CRYBA2: variants seen among roughly 807,000 people sequenced by gnomAD.
CRYBA2 encodes the protein crystallin beta A2.
A neutral mutation model predicts 18.5 loss-of-function variants in CRYBA2; 17 were observed. That is an observed-to-expected ratio of 0.92 (90% confidence interval 0.63 to 1.38). CRYBA2 has a LOEUF of 1.38. Ranked by LOEUF, CRYBA2 falls within the 40% of genes most tolerant of loss-of-function variation. The pLI is 0.00. For missense variants in CRYBA2, 271 were observed against 265.0 expected, an observed-to-expected ratio of 1.02 and a Z score of -0.16; for synonymous variants, 101 against 106.2, an observed-to-expected ratio of 0.95 and a Z score of 0.30.
In CRYBA2 at chr2:218,993,041, G is replaced by C; in HGVS notation, c.136C>G (p.Arg46Gly). Residue 46 changes from arginine (R) to glycine (G), a missense_variant, in exon 1 of 4, where the codon CGC becomes GGC. By Grantham distance (125) the Arg-to-Gly change is moderately radical. Transcript: ENST00000295728. This position sits in a 1 kb window ranked among gnomAD's most constrained non-coding sequence, Gnocchi z 7.7. ...ACGCCGTTTTCCACCTTGACCGAGC[G>C]CACCCTGGGCAGGCCTCCGCGCTCG... ...VCERGGLPRV[R>G]SVKVENGVWV... 1 of 1,606,908 alleles carries C rather than the reference G, an allele frequency of 6.2e-7. No homozygotes were observed. The highest frequency in any genetic ancestry group is 8.5e-7 in the Non-Finnish European group (1 of 1,175,768).
chr2:218,992,013 A>T, intron 2 of CRYBA2, 89 bp downstream of exon 2: 1 of 1,187,768 alleles, frequency 8.4e-7, no homozygotes, highest in Non-Finnish European at 1.2e-6. Flanking sequence ...CACACACCCC[A>T]TGCAGGGCTT....
chr2:218,990,346 C>T lies in CRYBA2; in HGVS notation c.500G>A (p.Arg167Gln), dbSNP rs759684232. ...GYRGYQYVLE[R>Q]DRHSGEFCTY... The stretch of plus-strand genomic sequence containing the variant: ...ACAGAACTCTCCGCTGTGCCGGTCC[C>T]GCTCCAACACATACTGGTAGCCTCG... The change falls in exon 4 of 4, where the codon CGG becomes CAG. Residue 167 changes from arginine (R) to glutamine (Q), a missense_variant. Coordinates refer to ENST00000295728, the MANE Select transcript of CRYBA2 (RefSeq NM_057093.2). 5.0e-6 allele frequency: 8 copies of T among 1,614,122 alleles called. No individual in the cohort carries two copies. The highest frequency in any genetic ancestry group is 1.7e-5 in the Admixed American group (1 of 60,024).
chr2:218,993,375 CG>C lies in CRYBA2; in HGVS notation c.-200del. The C allele has an allele frequency of 1.8e-6, 1 of 564,166 alleles. No individual in the cohort carries two copies. Among genetic ancestry groups the C allele is most frequent in the Non-Finnish European group, 3.1e-6 (1 of 327,500 alleles). 34.9% of individuals were successfully genotyped at this position (564,166 alleles called of 1,614,324 possible). ...CCCCACCCCAGCAGAGGGCATTCAC[CG>C]GGTGGGTGAGCGCGGCACGCGAGGG... On this transcript the variant is annotated 5_prime_UTR_variant, in exon 1 of 4. Coordinates refer to ENST00000295728, the MANE Select transcript of CRYBA2 (RefSeq NM_057093.2). This position sits in a 1 kb window ranked among gnomAD's most constrained non-coding sequence, Gnocchi z 7.7.
intron 1 of CRYBA2, among the ~76,000 whole-genome samples, chr2:218,992,782 C>T (rs1945513235): frequency 6.6e-6 from 1 of 152,200 alleles, no homozygotes; most frequent in Non-Finnish European, 1.5e-5. Flanking sequence ...GGTGGGGTCC[C>T]ATAGGGACCC....
rs762497798 is a variant in CRYBA2 at position 218,993,150 on chromosome 2, CG to C, written c.26del (p.Pro9ArgfsTer22). 15 of 1,600,352 alleles carry C rather than the reference CG, an allele frequency of 9.4e-6. No individual in the cohort carries two copies. Among genetic ancestry groups the C allele is most frequent in the Middle Eastern group, 1.7e-4 (1 of 5,946 alleles). On this transcript the variant is annotated frameshift_variant, in exon 1 of 4. Coordinates refer to ENST00000295728, the MANE Select transcript of CRYBA2 (RefSeq NM_057093.2). LOFTEE classifies it high-confidence loss of function. This position sits in a 1 kb window ranked among gnomAD's most constrained non-coding sequence, Gnocchi z 7.7. Reference sequence around the variant, plus strand: ...CCCAGAGCGTGAGGCTGGCGGGCGCCGGGCCCGGCGCGGGGGCGCTGCTCAT... The same window carrying C: ...CCCAGAGCGTGAGGCTGGCGGGCGCCGGCCCGGCGCGGGGGCGCTGCTCAT... MSSAPAPG[P>X]APASLTLWDE... is the part of the protein sequence containing the mutation.
Position 218,993,247 on chromosome 2 carries a change from C to T in CRYBA2, c.-71G>A, listed in dbSNP as rs999966786. The T allele has an allele frequency of 8.3e-6, 12 of 1,445,034 alleles. No homozygotes were observed. The highest frequency in any genetic ancestry group is 1.1e-5 in the Non-Finnish European group (12 of 1,074,628). The allele number at this position is 1,445,034 out of a possible 1,614,324, so 89.5% of individuals were successfully genotyped here. A position where few individuals can be genotyped will look rare whatever the true frequency, so the allele number is the denominator to read the frequency against. ...GAGCCCCGTTTCGAGCCACACACAG[C>T]CTGCCCAACCTGGGTAGCGGATGAA... On this transcript the variant is annotated 5_prime_UTR_variant, in exon 1 of 4. Transcript: ENST00000295728. The surrounding 1 kb of genome is among the most constrained non-coding windows in gnomAD (Gnocchi z 7.7).
intron 2 of CRYBA2, chr2:218,991,788 C>A (rs903002496): frequency 1.4e-5 from 5 of 360,780 alleles, no homozygotes; most frequent in African/African-American, 2.1e-5. Flanking sequence ...GTCAACCCGA[C>A]CTCACATGGC....
chr2:218,993,000 C>T lies in CRYBA2; in HGVS notation c.161+16G>A. On this transcript the variant is annotated intron_variant, in intron 1 of 3. Transcript: ENST00000295728. ...GCCCCTCAACCCAGCCCAGCCGCGG[C>T]CAGGCAATCACTCACACGCCGTTTT... 1 of 1,590,866 alleles carries T rather than the reference C, an allele frequency of 6.3e-7. No individual in the cohort carries two copies. Among genetic ancestry groups the T allele is most frequent in the Non-Finnish European group, 8.6e-7 (1 of 1,164,400 alleles).
At chr2:218,991,661 CACACACACAATA>C (rs1204217036) in intron 2 of CRYBA2, among the ~76,000 whole-genome samples, 1 of 152,220 alleles carries the variant, frequency 6.6e-6, no homozygotes, top group Non-Finnish European at 1.5e-5. Context: ...ACAACACCCT[CACACACACAATA>C]ACACACACAC....
intron 2 of CRYBA2, chr2:218,991,268 G>A (rs1945494708): frequency 8.3e-6 from 3 of 361,086 alleles, no homozygotes; most frequent in Admixed American, 9.0e-5. Context: ...CAGGACTAGA[G>A]AGCATCTTGT....
At chr2:218,992,924 G>A in intron 1 of CRYBA2, 92 bp downstream of exon 1, 1 of 1,047,780 alleles carries the variant, frequency 9.5e-7, no homozygotes, top group Non-Finnish European at 1.4e-6. Flanking sequence ...TCTCTCCAGG[G>A]CTCACAGGAC....
At position 218,993,013 on chromosome 2, in the gene CRYBA2, C is replaced by G. The variant is rs757510654; in HGVS notation, c.161+3G>C. Reference sequence around the variant, plus strand: ...GCCCAGCCGCGGCCAGGCAATCACTCACACGCCGTTTTCCACCTTGACCGA... The same window carrying G: ...GCCCAGCCGCGGCCAGGCAATCACTGACACGCCGTTTTCCACCTTGACCGA... On this transcript the variant is annotated splice_donor_region_variant and intron_variant, in intron 1 of 3. Coordinates refer to ENST00000295728, the MANE Select transcript of CRYBA2 (RefSeq NM_057093.2). This position sits in a 1 kb window ranked among gnomAD's most constrained non-coding sequence, Gnocchi z 7.7. 5 of 1,600,220 alleles carry G rather than the reference C, an allele frequency of 3.1e-6. No individual in the cohort carries two copies. The highest frequency in any genetic ancestry group is 1.3e-5 in the African/African-American group (1 of 74,488).
intron 3 of CRYBA2, 45 bp from the exon 4 acceptor site, chr2:218,990,444 A>G (rs1020230777): frequency 3.3e-6 from 4 of 1,215,380 alleles, no homozygotes; most frequent in Non-Finnish European, 4.4e-6. Flanking sequence ...CTCTGCCCCC[A>G]CCCCCACCCT....
In CRYBA2 at chr2:218,992,119, G is replaced by T; in HGVS notation, c.286C>A (p.Arg96=). Residue 96 remains arginine (R), a synonymous_variant, in exon 2 of 4, where the codon CGG becomes AGG. Coordinates refer to ENST00000295728, the MANE Select transcript of CRYBA2 (RefSeq NM_057093.2). The stretch of plus-strand genomic sequence containing the variant: ...GTGCTCACCGCGCAGAGCACTGGCC[G>T]GAAGGACAGCAGCTGGTTGCTGTTG... The part of the protein sequence containing the change: ...SHNSNQLLSF[R]PVLCANHNDS... The T allele has an allele frequency of 1.2e-6, 2 of 1,613,222 alleles. No homozygotes were observed. Among genetic ancestry groups the T allele is most frequent in the South Asian group, 1.1e-5 (1 of 90,994 alleles).
rs114629866 is a variant in CRYBA2, at chr2:218,992,936, G to C, written c.161+80C>G. The C allele has an allele frequency of 1.0e-3, 1,206 of 1,196,936 alleles. 9 individuals are homozygous for C. In the African/African-American group the frequency reaches 0.015, roughly 15 times the overall value. The allele number at this position is 1,196,936 out of a possible 1,614,324, so 74.1% of individuals were successfully genotyped here. The stretch of plus-strand genomic sequence containing the variant: ...AGGTCTCTCCAGGGCTCACAGGACA[G>C]GGGGCTGAGGCTCTGAGCCTAGGCC... On this transcript the variant is annotated intron_variant, in intron 1 of 3. Transcript: ENST00000295728.
Position 218,990,274 on chromosome 2 carries a change from G to A in CRYBA2, c.572C>T (p.Ser191Phe). 1.2e-6 allele frequency: 2 copies of A among 1,614,148 alleles called. No individual in the cohort carries two copies. The highest frequency in any genetic ancestry group is 1.7e-6 in the Non-Finnish European group (2 of 1,180,010). ...GTQAHTGQLQ[S>F]IRRVQH ...AGCCTAGTGCTGGACTCTCCGGATG[G>A]ACTGCAGCTGCCCAGTGTGGGCCTG... Residue 191 changes from serine to phenylalanine, a missense_variant, in exon 4 of 4, where the codon TCC becomes TTC. Ser to Phe is a radical substitution (Grantham distance 155). Coordinates refer to ENST00000295728, the MANE Select transcript of CRYBA2 (RefSeq NM_057093.2).
chr2:218,991,068 T>A (rs1439805685), intron 2 of CRYBA2, 74 bp from the exon 3 acceptor site: 1 of 1,566,298 alleles, frequency 6.4e-7, no homozygotes, highest in East Asian at 2.3e-5. Context: ...CTGCCTCACT[T>A]CCCCCACCCA....
intron 3 of CRYBA2, 21 bp downstream of exon 3, chr2:218,990,831 G>C (rs1464322158): frequency 1.2e-6 from 2 of 1,610,020 alleles, no homozygotes; most frequent in Admixed American, 3.3e-5. Flanking sequence ...CTGTCTCCCT[G>C]GTTCCAGTTC....
chr2:218,991,164 G>T, intron 2 of CRYBA2, 170 bp from the exon 3 acceptor site: 1 of 978,298 alleles, frequency 1.0e-6, no homozygotes, highest in Non-Finnish European at 1.5e-6. Flanking sequence ...TCTGGGAAAT[G>T]GATCGCTCAG....
Sources: gnomAD v4.1 joint callset for allele counts (sites outside exome capture counted in the v4.1 genomes callset) on GRCh38, gnomAD v4.1.1 for gene constraint, Gnocchi (gnomAD v3.1) non-coding constraint, MANE v1.5 for transcripts, NCBI Gene and HGNC (gene_info 2026-07-23, HGNC 2026-07-21) for gene names.